Variants in TRIP12 observed in about 807,000 individuals in gnomAD.
TRIP12 encodes E3 ubiquitin-protein ligase TRIP12.
In TRIP12, 25 loss-of-function variants were observed where a neutral mutation model predicts 244.2. That is an observed-to-expected ratio of 0.10 (90% confidence interval 0.07 to 0.14). The LOEUF (loss-of-function observed/expected upper bound fraction) is 0.14, where lower values mean the gene tolerates loss of function less well. Among genes scored for constraint, TRIP12 ranks in the 10% least tolerant of loss-of-function variants. TRIP12 has a pLI of 1.00. For missense variants in TRIP12, 1,677 were observed against 2,486.4 expected (o/e 0.67, Z 6.92); for synonymous variants, 905 against 873.1 (o/e 1.04, Z -0.64).
intron 5 of TRIP12, among the ~76,000 whole-genome samples, chr2:229,839,678 CAA>C (rs1228213948): frequency 1.7e-4 from 16 of 94,910 alleles, no homozygotes; most frequent in Non-Finnish European, 1.5e-4. Context: ...GACTCCATCT[CAA>C]AAAAAAAAAA....
intron 2 of TRIP12, among the ~76,000 whole-genome samples, chr2:229,873,868 A>G (rs1191779104): frequency 6.6e-6 from 1 of 152,156 alleles, no homozygotes; most frequent in Non-Finnish European, 1.5e-5. Flanking sequence ...AGGCAACTGT[A>G]TACAAGCATT....
chr2:229,823,261 A>C (rs1201699044), intron 8 of TRIP12, among the ~76,000 whole-genome samples: 3 of 152,226 alleles, frequency 2.0e-5, no homozygotes, highest in Non-Finnish European at 4.4e-5. Flanking sequence ...GGGTCAAGGA[A>C]ACATCACTTA....
chr2:229,816,344 A>G (rs1170077541), intron 9 of TRIP12, among the ~76,000 whole-genome samples: 13 of 150,846 alleles, frequency 8.6e-5, no homozygotes, highest in Non-Finnish European at 1.6e-4. Flanking sequence ...AAAAAAAACT[A>G]TCAAATCACT....
At chr2:229,855,753 T>C (rs566254792) in intron 4 of TRIP12, among the ~76,000 whole-genome samples, 20 of 152,156 alleles carry the variant, frequency 1.3e-4, no homozygotes, top group African/African-American at 4.8e-4. Context: ...CCTTGATAAC[T>C]ATCCTAGGCT....
At chr2:229,899,974 A>C (rs927791045) in intron 1 of TRIP12, among the ~76,000 whole-genome samples, 1 of 152,236 alleles carries the variant, frequency 6.6e-6, no homozygotes, top group African/African-American at 2.4e-5. Flanking sequence ...AGGTCTTTTA[A>C]AACAAGTTGT....
chr2:229,864,047 A>AGAGAGAGTGT, intron 2 of TRIP12, among the ~76,000 whole-genome samples: 121 of 79,298 alleles, frequency 1.5e-3, no homozygotes, highest in Admixed American at 3.4e-3. Context: ...AGAGAGAGAG[A>AGAGAGAGTGT]GTGTGTGTGT....
intron 1 of TRIP12, among the ~76,000 whole-genome samples, chr2:229,914,306 G>T (rs2074952853): frequency 6.6e-6 from 1 of 152,164 alleles, no homozygotes; most frequent in South Asian, 2.1e-4. Context: ...AAAGTTGCTG[G>T]GTGTGTTCAG....
At chr2:229,769,447 G>A (rs1235332873) in intron 39 of TRIP12, 122 bp from the exon 40 acceptor site, 6 of 527,528 alleles carry the variant, frequency 1.1e-5, no homozygotes, top group East Asian at 3.5e-5. Context: ...TTCTGCTTGG[G>A]ACCTCTTTCC....
intron 13 of TRIP12, among the ~76,000 whole-genome samples, chr2:229,811,548 C>T (rs913848213): frequency 1.3e-5 from 2 of 151,914 alleles, no homozygotes; most frequent in Non-Finnish European, 2.9e-5. Flanking sequence ...AAAACCATTA[C>T]AAGTAGAAAT....
rs767563541 is a variant in TRIP12, at chr2:229,899,279, G to A, written c.-49-19151C>T. Among the ~76,000 whole-genome samples, 22 of 152,162 alleles carry A rather than the reference G, an allele frequency of 1.4e-4. No individual in the cohort carries two copies. The East Asian group carries it at 1.5e-3, about 11-fold the overall frequency. On this transcript the variant is annotated intron_variant, in intron 1 of 41. Coordinates refer to ENST00000675903, the MANE Select transcript of TRIP12 (RefSeq NM_001348323.3). ...ATCACTTTTTCAGCCACAGGGAATAGAAAAATAGTTAAAACTGTAAAAAGA... is the reference window on the plus strand; with the variant it reads ...ATCACTTTTTCAGCCACAGGGAATAAAAAAATAGTTAAAACTGTAAAAAGA...
intron 1 of TRIP12, among the ~76,000 whole-genome samples, chr2:229,905,723 A>C (rs1000685031): frequency 3.9e-5 from 6 of 152,192 alleles, no homozygotes; most frequent in Admixed American, 1.3e-4. Flanking sequence ...TTTGCAACTC[A>C]ATGCATATTA....
chr2:229,819,040 C>CCACA (rs370625320), intron 8 of TRIP12, among the ~76,000 whole-genome samples: 6,636 of 133,982 alleles, frequency 0.05, 213 homozygotes, highest in African/African-American at 0.09. Flanking sequence ...AAAATAAAAA[C>CCACA]CACACACACA....
At chr2:229,922,580 T>A (rs751292712), upstream of TRIP12, 1 of 1,614,062 alleles carries the variant, frequency 6.2e-7, no homozygotes, top group Non-Finnish European at 8.5e-7. Flanking sequence ...TAGCAAAGAC[T>A]ATTACCAGTT....
At chr2:229,821,707 G>A (rs1350658765) in intron 8 of TRIP12, among the ~76,000 whole-genome samples, 1 of 152,138 alleles carries the variant, frequency 6.6e-6, no homozygotes, top group Non-Finnish European at 1.5e-5. Context: ...CAGGAGCGTG[G>A]ATTTGGCCCT....
chr2:229,893,834 A>C (rs2068013005), intron 1 of TRIP12, among the ~76,000 whole-genome samples: 1 of 152,206 alleles, frequency 6.6e-6, no homozygotes, highest in Non-Finnish European at 1.5e-5. Flanking sequence ...CCTCCTGAGT[A>C]GCTGTGAGTA....
chr2:229,839,858 T>C (rs375961694), intron 5 of TRIP12, among the ~76,000 whole-genome samples: 1 of 152,200 alleles, frequency 6.6e-6, no homozygotes, highest in Non-Finnish European at 1.5e-5. Context: ...AATAAAAGTA[T>C]ATGAAATATT....
intron 4 of TRIP12, among the ~76,000 whole-genome samples, chr2:229,851,424 T>C (rs937629081): frequency 6.6e-6 from 1 of 151,988 alleles, no homozygotes; most frequent in Non-Finnish European, 1.5e-5. Context: ...AGCTCAGGGA[T>C]TGTAAATGCA....
chr2:229,778,178 G>C lies in TRIP12; in HGVS notation c.5364+255C>G, dbSNP rs564863017. 2.6e-4 allele frequency among the ~76,000 whole-genome samples: 39 copies of C among 152,246 alleles called. No homozygotes were observed. Among genetic ancestry groups the C allele is most frequent in the Admixed American group, 2.4e-3 (36 of 15,292 alleles). On this transcript the variant is annotated intron_variant, in intron 36 of 41. Transcript: ENST00000675903. This position sits in a 1 kb window ranked among gnomAD's most constrained non-coding sequence, Gnocchi z 4.1. ...TATCTGAACCCTTGCTATCCAAGGA[G>C]GGGTCCACAACCTGGCAATCGGGCA...
At chr2:229,818,146 G>A (rs967401443) in intron 9 of TRIP12, among the ~76,000 whole-genome samples, 14 of 152,106 alleles carry the variant, frequency 9.2e-5, no homozygotes, top group African/African-American at 3.4e-4. Flanking sequence ...AGAAGTGGGT[G>A]ACTATTCATC....
Sources: gnomAD v4.1 joint callset for allele counts (sites outside exome capture counted in the v4.1 genomes callset) on GRCh38, gnomAD v4.1.1 for gene constraint, Gnocchi (gnomAD v3.1) non-coding constraint, MANE v1.5 for transcripts, NCBI Gene and HGNC (gene_info 2026-07-23, HGNC 2026-07-21) for gene names.